The following GAD1 variants were observed in gnomAD, a reference collection of about 807,000 sequenced individuals.
GAD1 encodes the protein glutamate decarboxylase 1.
A neutral mutation model predicts 75.2 loss-of-function variants in GAD1; 35 were observed. The observed-to-expected ratio is 0.47, with a 90% CI of 0.36 to 0.62. The LOEUF (loss-of-function observed/expected upper bound fraction) is 0.62. Ranked by LOEUF, GAD1 falls within the 20% of genes least tolerant of loss-of-function variation. The pLI, the probability that GAD1 is intolerant of heterozygous loss-of-function variation, is 0.00. For synonymous variants in GAD1, 257 were observed against 271.9 expected, an observed-to-expected ratio of 0.95 and a Z score of 0.54; for missense variants, 490 against 758.5, an observed-to-expected ratio of 0.65 and a Z score of 4.16.
chr2:170,826,700 G>A (rs929961624), intron 3 of GAD1, among the ~76,000 whole-genome samples: 4 of 152,198 alleles, frequency 2.6e-5, no homozygotes, highest in African/African-American at 9.6e-5. Context: ...GGGGCTTCAA[G>A]GTGGGGAGAC....
rs374697614 is a variant in GAD1, at chr2:170,846,056, A to G, written c.995A>G (p.Lys332Arg). 9.9e-6 allele frequency: 16 copies of G among 1,613,318 alleles called. No homozygotes were observed. The African/African-American group carries it at 1.7e-4, about 17-fold the overall frequency. ...ADFEAKILEAKQKGYVPFYVN... is the reference protein window; with the variant it reads ...ADFEAKILEARQKGYVPFYVN... ...TTTGAGGCAAAAATTCTTGAAGCCA[A>G]ACAGAAGGTATGTACTCCGTGGTGC... Residue 332 changes from lysine to arginine, a missense_variant, in exon 10 of 17, where the codon AAA becomes AGA. Coordinates refer to ENST00000358196, the MANE Select transcript of GAD1 (RefSeq NM_000817.3).
intron 2 of GAD1, among the ~76,000 whole-genome samples, chr2:170,821,254 G>A (rs1290530465): frequency 6.6e-6 from 1 of 152,192 alleles, no homozygotes; most frequent in African/African-American, 2.4e-5. Context: ...CACGCTTCTT[G>A]CTGGAAGTTG....
intron 3 of GAD1, 129 bp from the exon 4 acceptor site, chr2:170,829,346 A>C: frequency 9.1e-7 from 1 of 1,102,912 alleles, no homozygotes; most frequent in Non-Finnish European, 1.4e-6. Context: ...CTGTATTTAA[A>C]ACACAGACAC....
chr2:170,853,952 C>G lies in GAD1; in HGVS notation c.1343C>G (p.Thr448Ser), dbSNP rs1461933909. Residue 448 changes from threonine to serine, a missense_variant, in exon 14 of 17, where the codon ACC (threonine) becomes AGC (serine). By Grantham distance (58) the Thr-to-Ser change is moderately conservative. Coordinates refer to ENST00000358196, the MANE Select transcript of GAD1 (RefSeq NM_000817.3). This position sits in a 1 kb window ranked among gnomAD's most constrained non-coding sequence, Gnocchi z 4.1. ...AAGCAGTATGATGTCTCCTACGACA[C>G]CGGGGACAAGGCAATTCAGTGTGGC... ...PDKQYDVSYD[T>S]GDKAIQCGRH... is the part of the protein sequence containing the mutation. 6.2e-7 allele frequency: 1 copy of G among 1,614,114 alleles called. No individual in the cohort carries two copies. The highest frequency in any genetic ancestry group is 8.5e-7 in the Non-Finnish European group (1 of 1,180,028).
chr2:170,845,373 A>T, intron 7 of GAD1, 133 bp from the exon 8 acceptor site: 1 of 798,798 alleles, frequency 1.3e-6, no homozygotes, highest in Non-Finnish European at 2.2e-6. Flanking sequence ...TAGGGAAGCC[A>T]GCAAAACCTA....
chr2:170,854,096 G>A, intron 14 of GAD1, 74 bp downstream of exon 14: 1 of 1,470,092 alleles, frequency 6.8e-7, no homozygotes, highest in African/African-American at 1.4e-5. Context: ...GAGGGGCAAA[G>A]ATATATCACA....
rs1180557916 is a variant in GAD1, at chr2:170,859,775, G to A, written c.1678G>A (p.Gly560Arg). The A allele has an allele frequency of 8.7e-6, 14 of 1,614,168 alleles. No individual in the cohort carries two copies. The highest frequency in any genetic ancestry group is 1.6e-4 in the Middle Eastern group (1 of 6,062). ...GACCATGGTTGGCTACCAGCCCCAA[G>A]GGGACAAGGCCAACTTCTTCCGGAT... ...GTTMVGYQPQ[G>R]DKANFFRMVI... Residue 560 changes from glycine to arginine, a missense_variant, in exon 17 of 17, where the codon GGG becomes AGG. Physicochemically the swap from Gly to Arg is moderately radical, Grantham distance 125. Transcript: ENST00000358196.
At position 170,832,664 on chromosome 2, in the gene GAD1, G is replaced by GCACACACACACACACACA. The variant is rs3049892; in HGVS notation, c.547+1487_547+1504dup. Among the ~76,000 whole-genome samples the GCACACACACACACACACA allele has an allele frequency of 2.5e-4, 20 of 78,906 alleles. 1 individual carries two copies. The highest frequency in any genetic ancestry group is 1.1e-3 in the Admixed American group (8 of 6,992). The allele number at this position is 78,906 out of a possible 152,430, so 51.8% of individuals were successfully genotyped here. A position where few individuals can be genotyped will look rare whatever the true frequency, so the allele number is the denominator to read the frequency against. On this transcript the variant is annotated intron_variant, in intron 5 of 16. Transcript: ENST00000358196. ...CACAGGCACACATGCGCGCGCGCGC[G>GCACACACACACACACACA]CACACACACACACACACACACACAC...
intron 2 of GAD1, among the ~76,000 whole-genome samples, chr2:170,819,982 C>A (rs1168593354): frequency 6.6e-6 from 1 of 152,182 alleles, no homozygotes; most frequent in Non-Finnish European, 1.5e-5. Flanking sequence ...GATACAATTA[C>A]CCACACAACA....
At chr2:170,815,233 C>A (rs45625139), upstream of GAD1, among the ~76,000 whole-genome samples, 4 of 152,176 alleles carry the variant, frequency 2.6e-5, no homozygotes, top group African/African-American at 9.7e-5. Flanking sequence ...GGAGCAGACA[C>A]CCCCAGCCTG....
At chr2:170,819,069 G>A (rs1451507908) in intron 2 of GAD1, among the ~76,000 whole-genome samples, 3 of 152,148 alleles carry the variant, frequency 2.0e-5, no homozygotes, top group South Asian at 2.1e-4. Context: ...CCCGGCTTTC[G>A]TTGAGCCAAG....
At chr2:170,814,472 T>G (rs936572225), upstream of GAD1, among the ~76,000 whole-genome samples, 2 of 152,146 alleles carry the variant, frequency 1.3e-5, no homozygotes, top group African/African-American at 4.8e-5. Flanking sequence ...AGAGTTCGAG[T>G]TGGAGGAGAT....
intron 5 of GAD1, among the ~76,000 whole-genome samples, chr2:170,831,814 ATATT>A (rs1437561961): frequency 6.8e-6 from 1 of 146,340 alleles, no homozygotes; most frequent in African/African-American, 2.5e-5. Flanking sequence ...AAATTATATA[ATATT>A]TATATATATA....
intron 6 of GAD1, among the ~76,000 whole-genome samples, chr2:170,839,306 T>A (rs1287189613): frequency 3.3e-5 from 5 of 152,182 alleles, no homozygotes; most frequent in Non-Finnish European, 5.9e-5. Flanking sequence ...GTGCAAGGTG[T>A]CTGACTATTA....
In GAD1 at chr2:170,859,799, A is replaced by T. The variant is rs375530557; in HGVS notation, c.1702A>T (p.Met568Leu). The change falls in exon 17 of 17, where the codon ATG becomes TTG. Residue 568 changes from methionine to leucine, a missense_variant. Physicochemically the swap from Met to Leu is conservative, Grantham distance 15. Around this residue, in one of 3 missense-constraint regions of GAD1, gnomAD observed 324 missense variants for 523.9 expected, o/e 0.62. Transcript: ENST00000358196. Reference protein sequence around the residue: ...PQGDKANFFRMVISNPAATQS... With the variant: ...PQGDKANFFRLVISNPAATQS... ...AGGGGACAAGGCCAACTTCTTCCGG[A>T]TGGTCATCTCCAACCCAGCCGCTAC... is the stretch of plus-strand genomic sequence containing the variant. 1.1e-5 allele frequency: 18 copies of T among 1,613,996 alleles called. No individual in the cohort carries two copies. Among genetic ancestry groups the T allele is most frequent in the Admixed American group, 1.7e-5 (1 of 59,988 alleles).
At position 170,860,395 on chromosome 2, in the gene GAD1, C is replaced by T. The variant is rs45456393; in HGVS notation, c.*513C>T. On this transcript the variant is annotated 3_prime_UTR_variant, in exon 17 of 17. Transcript: ENST00000358196. Reference sequence around the variant, plus strand: ...ACCACCAAATGACAAGTCACACCCTCCCCATTAGTATCCTGTTAGGGGAAA... The same window carrying T: ...ACCACCAAATGACAAGTCACACCCTTCCCATTAGTATCCTGTTAGGGGAAA... 1,346 of 163,056 alleles carry T rather than the reference C, an allele frequency of 8.3e-3. 24 individuals are homozygous for T. The highest frequency in any genetic ancestry group is 0.03 in the African/African-American group (1,256 of 41,678). The allele number at this position is 163,056 out of a possible 1,614,324, so 10.1% of individuals were successfully genotyped here.
At chr2:170,849,210 A>G in intron 11 of GAD1, 76 bp from the exon 12 acceptor site, 1 of 1,253,626 alleles carries the variant, frequency 8.0e-7, no homozygotes, top group Non-Finnish European at 1.2e-6. Flanking sequence ...ATGTTTTAGT[A>G]GAAGTGAGGA....
At chr2:170,859,011 G>C in intron 16 of GAD1, 118 bp downstream of exon 16, 1 of 923,378 alleles carries the variant, frequency 1.1e-6, no homozygotes, top group Non-Finnish European at 1.7e-6. Context: ...CCTTGGGGTG[G>C]GTTTCTAGTA....
rs944410142 is a variant in GAD1 at position 170,831,982 on chromosome 2, A to G, written c.547+790A>G. Among the ~76,000 whole-genome samples the G allele has an allele frequency of 4.0e-5, 6 of 151,858 alleles. No individual in the cohort carries two copies. In the South Asian group the frequency reaches 1.2e-3, roughly 31 times the overall value. On this transcript the variant is annotated intron_variant, in intron 5 of 16. Coordinates refer to ENST00000358196, the MANE Select transcript of GAD1 (RefSeq NM_000817.3). ...CCCTATCTCAAAAAAAAGAATTTTC[A>G]TTCTTGGATTTAGGCTATTCACAAC...
Sources: gnomAD v4.1 joint callset for allele counts (sites outside exome capture counted in the v4.1 genomes callset) on GRCh38, gnomAD v4.1.1 for gene constraint, gnomAD v4.1.1 regional missense constraint, Gnocchi (gnomAD v3.1) non-coding constraint, MANE v1.5 for transcripts, NCBI Gene and HGNC (gene_info 2026-07-23, HGNC 2026-07-21) for gene names.